Variants in HECW1 observed in about 807,000 individuals in gnomAD.
The protein encoded by HECW1 is HECT, C2 and WW domain containing E3 ubiquitin protein ligase 1, also known as E3 ubiquitin-protein ligase HECW1.
Under a neutral mutation model 182.3 loss-of-function variants are expected in HECW1, and 61 were observed. The ratio of observed to expected loss-of-function variants is 0.33; its 90% CI spans 0.27 to 0.41. The LOEUF (loss-of-function observed/expected upper bound fraction) is 0.41, where lower values mean the gene tolerates loss of function less well. Ranked by LOEUF, HECW1 falls within the 10% of genes least tolerant of loss-of-function variation. The probability of loss-of-function intolerance (pLI) is 1.00; values close to 1 mark genes in which losing one functional copy is unlikely to be tolerated. For synonymous variants in HECW1, 859 were observed against 832.6 expected, an observed-to-expected ratio of 1.03 and a Z score of -0.55; for missense variants, 1,739 against 2,108.9, an observed-to-expected ratio of 0.82 and a Z score of 3.44.
chr7:43,437,167 G>C (rs549996396), intron 8 of HECW1, among the ~76,000 whole-genome samples: 33 of 152,242 alleles, frequency 2.2e-4, no homozygotes, highest in Non-Finnish European at 4.3e-4. Context: ...AAGTACAAAT[G>C]AAATCCTACT....
intron 11 of HECW1, among the ~76,000 whole-genome samples, chr7:43,448,844 A>T (rs2077146173): frequency 6.6e-6 from 1 of 152,240 alleles, no homozygotes; most frequent in African/African-American, 2.4e-5. Flanking sequence ...TGAGGAATAG[A>T]TCTCTTTCTG....
At chr7:43,390,447 G>C (rs115679404) in intron 6 of HECW1, among the ~76,000 whole-genome samples, 1 of 151,594 alleles carries the variant, frequency 6.6e-6, no homozygotes, top group African/African-American at 2.4e-5. Context: ...AGTCTGAGGT[G>C]GGAGGACCAC....
chr7:43,197,528 G>A (rs982843340), intron 2 of HECW1, among the ~76,000 whole-genome samples: 2 of 152,158 alleles, frequency 1.3e-5, no homozygotes, highest in Non-Finnish European at 2.9e-5. Flanking sequence ...GGCACAGAGC[G>A]ATCACTGCCT....
intron 8 of HECW1, among the ~76,000 whole-genome samples, chr7:43,412,419 C>T (rs915633528): frequency 2.2e-5 from 3 of 137,374 alleles, no homozygotes; most frequent in Non-Finnish European, 4.7e-5. Flanking sequence ...TAATGCTTTT[C>T]ATTTCTTTTA....
intron 2 of HECW1, among the ~76,000 whole-genome samples, chr7:43,158,552 G>A (rs1220410742): frequency 6.6e-6 from 1 of 152,162 alleles, no homozygotes; most frequent in African/African-American, 2.4e-5. Flanking sequence ...AAAAGGAGCT[G>A]GGTACCGCTT....
intron 4 of HECW1, among the ~76,000 whole-genome samples, chr7:43,318,961 G>A (rs1809682219): frequency 6.6e-6 from 1 of 152,210 alleles, no homozygotes; most frequent in Non-Finnish European, 1.5e-5. Flanking sequence ...AGAAGATCAA[G>A]GTGAAAGCCA....
chr7:43,336,124 T>TCTCTCTCTCTC (rs1812181848), intron 5 of HECW1, among the ~76,000 whole-genome samples: 6 of 64,300 alleles, frequency 9.3e-5, no homozygotes, highest in African/African-American at 4.4e-4. Context: ...CTTTCTTTCT[T>TCTCTCTCTCTC]TCTCTCTCTC....
At position 43,444,714 on chromosome 7, in the gene HECW1, C is replaced by G; in HGVS notation, c.1542C>G (p.Thr514=). 1 of 1,611,340 alleles carries G rather than the reference C, an allele frequency of 6.2e-7. No homozygotes were observed. Among genetic ancestry groups the G allele is most frequent in the East Asian group, 2.2e-5 (1 of 44,684 alleles). ...KEQEEEGDVS[T]LEQGEGRLQL... is the part of the protein sequence containing the mutation. ...AGGAGGAGGAGGGAGATGTGTCTAC[C>G]CTGGAGCAGGGAGAGGGCAGGCTGC... The change falls in exon 11 of 30, where the codon ACC becomes ACG. Residue 514 remains threonine, a synonymous_variant. Coordinates refer to ENST00000395891, the MANE Select transcript of HECW1 (RefSeq NM_015052.5). This position sits in a 1 kb window ranked among gnomAD's most constrained non-coding sequence, Gnocchi z 4.3.
chr7:43,501,052 A>G (rs191621022), intron 20 of HECW1, among the ~76,000 whole-genome samples, 161 bp from the exon 21 acceptor site: 18 of 152,320 alleles, frequency 1.2e-4, no homozygotes, highest in Admixed American at 9.8e-4. Context: ...AGAATTTGCA[A>G]GCAGCATGTA....
At chr7:43,492,682 G>A (rs1046376364) in intron 18 of HECW1, among the ~76,000 whole-genome samples, 2 of 152,058 alleles carry the variant, frequency 1.3e-5, no homozygotes, top group East Asian at 1.9e-4. Context: ...CTGGGAAATC[G>A]ACACATGGAT....
At chr7:43,307,523 T>G (rs545026421) in intron 3 of HECW1, among the ~76,000 whole-genome samples, 1 of 152,118 alleles carries the variant, frequency 6.6e-6, no homozygotes, top group Non-Finnish European at 1.5e-5. Flanking sequence ...TTGTAAGACA[T>G]TGGAATCACT....
intron 5 of HECW1, among the ~76,000 whole-genome samples, chr7:43,357,262 A>C (rs1815274286): frequency 6.6e-6 from 1 of 152,228 alleles, no homozygotes; most frequent in African/African-American, 2.4e-5. Context: ...TATCGAAGAG[A>C]TACCTGCACT....
chr7:43,557,151 C>T (rs1174770889), intron 29 of HECW1, among the ~76,000 whole-genome samples: 13 of 152,172 alleles, frequency 8.5e-5, no homozygotes, highest in East Asian at 1.9e-4. Context: ...AACTGTCGTT[C>T]GGGAAGACCT....
At chr7:43,126,692 C>T (rs574989723) in intron 2 of HECW1, among the ~76,000 whole-genome samples, 37 of 152,306 alleles carry the variant, frequency 2.4e-4, no homozygotes, top group African/African-American at 9.6e-5. Flanking sequence ...GCAAGTCTAT[C>T]GGTGCCATTT....
At chr7:43,293,916 T>C (rs994642446) in intron 3 of HECW1, among the ~76,000 whole-genome samples, 1 of 152,028 alleles carries the variant, frequency 6.6e-6, no homozygotes, top group Non-Finnish European at 1.5e-5. Flanking sequence ...TAGATTTTCG[T>C]AGGAGCATGA....
intron 6 of HECW1, among the ~76,000 whole-genome samples, chr7:43,374,799 A>T: frequency 1.8e-5 from 1 of 54,074 alleles, no homozygotes; most frequent in Non-Finnish European, 3.0e-5. Context: ...AAAAAAAAAA[A>T]ATAGAGAAAT....
At chr7:43,209,895 G>A (rs539328338) in intron 2 of HECW1, among the ~76,000 whole-genome samples, 96 of 152,226 alleles carry the variant, frequency 6.3e-4, no homozygotes, top group South Asian at 6.0e-3. Flanking sequence ...GTCATCTGCC[G>A]TGCCCAGTCC....
intron 2 of HECW1, among the ~76,000 whole-genome samples, chr7:43,132,229 A>G (rs531094045): frequency 1.3e-5 from 2 of 150,640 alleles, no homozygotes; most frequent in Admixed American, 1.3e-4. Flanking sequence ...TCTATATATT[A>G]TAGATGTTAA....
At chr7:43,406,688 C>A (rs551571853) in intron 7 of HECW1, among the ~76,000 whole-genome samples, 3 of 152,090 alleles carry the variant, frequency 2.0e-5, no homozygotes, top group Admixed American at 6.5e-5. Flanking sequence ...GAGGCCGAGG[C>A]GGGCGGATCA....
Sources: allele counts gnomAD v4.1 joint callset (sites outside exome capture counted in the v4.1 genomes callset), GRCh38; gene constraint gnomAD v4.1.1; non-coding constraint Gnocchi (gnomAD v3.1); transcripts MANE v1.5; gene names NCBI Gene and HGNC (gene_info 2026-07-23, HGNC 2026-07-21).